The following MRTFA variants were observed in gnomAD, a reference collection of about 807,000 sequenced individuals.
The protein encoded by MRTFA is myocardin related transcription factor A, also known as myocardin-related transcription factor A.
Under a neutral mutation model 83.5 loss-of-function variants are expected in MRTFA, and 20 were observed. The ratio of observed to expected loss-of-function variants is 0.24; its 90% CI spans 0.17 to 0.35. The LOEUF is 0.35. Ranked by LOEUF, MRTFA falls within the 10% of genes least tolerant of loss-of-function variation. MRTFA has a pLI of 1.00. For synonymous variants in MRTFA, 659 were observed against 541.2 expected, an observed-to-expected ratio of 1.22 and a Z score of -3.02; for missense variants, 1,200 against 1,224.7, an observed-to-expected ratio of 0.98 and a Z score of 0.30.
intron 1 of MRTFA, among the ~76,000 whole-genome samples, chr22:40,620,344 G>T (rs867485647): frequency 6.6e-6 from 1 of 150,640 alleles, no homozygotes; most frequent in South Asian, 2.1e-4. Context: ...GGCTGGTCTC[G>T]AACTCCCGAC....
chr22:40,488,595 G>C (rs1038040751), intron 3 of MRTFA, among the ~76,000 whole-genome samples: 2 of 151,984 alleles, frequency 1.3e-5, no homozygotes, highest in African/African-American at 4.8e-5. Flanking sequence ...TCTTTGAGAG[G>C]CCAAGGCGGG....
chr22:40,500,151 G>C (rs1473264472), intron 3 of MRTFA, among the ~76,000 whole-genome samples: 2 of 150,416 alleles, frequency 1.3e-5, no homozygotes, highest in African/African-American at 4.9e-5. Flanking sequence ...GGCTGGTCTC[G>C]AACTCCTGAT....
intron 1 of MRTFA, among the ~76,000 whole-genome samples, chr22:40,618,080 GTT>G (rs66504883): frequency 7.1e-6 from 1 of 141,644 alleles, no homozygotes; most frequent in Non-Finnish European, 1.6e-5. Flanking sequence ...GTTGTTTTTT[GTT>G]TTTTTTTTTT....
At chr22:40,609,399 C>A (rs2056357781) in intron 1 of MRTFA, among the ~76,000 whole-genome samples, 1 of 147,940 alleles carries the variant, frequency 6.8e-6, no homozygotes, top group Non-Finnish European at 1.5e-5. Context: ...GAGGATCACT[C>A]GAGCCCAGGA....
At chr22:40,459,822 CATATATACAT>C (rs1395666568) in intron 4 of MRTFA, among the ~76,000 whole-genome samples, 1 of 68,266 alleles carries the variant, frequency 1.5e-5, no homozygotes, top group Non-Finnish European at 2.8e-5. Context: ...CACACACACA[CATATATACAT>C]ATATATATAT....
At chr22:40,566,982 T>C (rs552040543) in intron 2 of MRTFA, among the ~76,000 whole-genome samples, 20 of 152,352 alleles carry the variant, frequency 1.3e-4, no homozygotes, top group African/African-American at 4.3e-4. Flanking sequence ...GTAATAATGT[T>C]GTTTTGACCT....
chr22:40,571,779 C>T (rs1230426107), intron 2 of MRTFA, among the ~76,000 whole-genome samples: 1 of 151,068 alleles, frequency 6.6e-6, no homozygotes, highest in South Asian at 2.1e-4. Flanking sequence ...AAAAAAGCAG[C>T]CGGGCATGGT....
At chr22:40,505,089 A>G (rs1253735344) in intron 3 of MRTFA, among the ~76,000 whole-genome samples, 1 of 152,258 alleles carries the variant, frequency 6.6e-6, no homozygotes, top group Non-Finnish European at 1.5e-5. Context: ...AATAAACATT[A>G]TCAGATACTC....
At chr22:40,579,913 C>T (rs2055921954) in intron 2 of MRTFA, among the ~76,000 whole-genome samples, 3 of 150,716 alleles carry the variant, frequency 2.0e-5, no homozygotes, top group Non-Finnish European at 4.4e-5. Flanking sequence ...AAAGTCCTAA[C>T]TATAAAACAT....
intron 6 of MRTFA, 135 bp downstream of exon 6, chr22:40,431,270 G>A (rs1276434400): frequency 6.8e-5 from 51 of 751,472 alleles, no homozygotes; most frequent in African/African-American, 1.2e-4. Context: ...GCTGTCGTAC[G>A]GTGTTAAGGC....
At chr22:40,600,671 C>A (rs2056248275) in intron 1 of MRTFA, among the ~76,000 whole-genome samples, 1 of 152,146 alleles carries the variant, frequency 6.6e-6, no homozygotes, top group Non-Finnish European at 1.5e-5. Flanking sequence ...ATATGCAATA[C>A]TTTACAAAAT....
intron 14 of MRTFA, among the ~76,000 whole-genome samples, chr22:40,413,162 A>G (rs1273642281): frequency 1.3e-5 from 2 of 149,222 alleles, no homozygotes; most frequent in Non-Finnish European, 3.0e-5. Flanking sequence ...AAAAAAAAAA[A>G]AAGGTTATGA....
chr22:40,592,872 T>A (rs1338061856), intron 2 of MRTFA, among the ~76,000 whole-genome samples: 1 of 152,212 alleles, frequency 6.6e-6, no homozygotes, highest in African/African-American at 2.4e-5. Context: ...ATTTTCTTGG[T>A]ATTTTTGAAG....
At chr22:40,460,967 G>C (rs2147149124) in intron 4 of MRTFA, among the ~76,000 whole-genome samples, 1 of 152,186 alleles carries the variant, frequency 6.6e-6, no homozygotes, top group Non-Finnish European at 1.5e-5. Context: ...GGGAGGGTTA[G>C]GCAGGAGGAC....
At chr22:40,585,511 T>C (rs2056015384) in intron 2 of MRTFA, among the ~76,000 whole-genome samples, 1 of 152,164 alleles carries the variant, frequency 6.6e-6, no homozygotes. Context: ...TGCATAACAT[T>C]ATGAATGTAT....
At chr22:40,413,054 T>C (rs1015815193) in intron 14 of MRTFA, among the ~76,000 whole-genome samples, 5 of 147,170 alleles carry the variant, frequency 3.4e-5, no homozygotes, top group African/African-American at 1.0e-4. Flanking sequence ...GGAGAATGGC[T>C]TGAACCCGGG....
chr22:40,464,765 T>C (rs2053785170), intron 3 of MRTFA, among the ~76,000 whole-genome samples: 1 of 152,144 alleles, frequency 6.6e-6, no homozygotes, highest in Non-Finnish European at 1.5e-5. Flanking sequence ...ATTCAGTAGA[T>C]CCAAAGCCAA....
In MRTFA at chr22:40,429,822, C is replaced by T. The variant is rs2053031770; in HGVS notation, c.440-55G>A. 4 of 1,531,258 alleles carry T rather than the reference C, an allele frequency of 2.6e-6. No homozygotes were observed. The African/African-American group carries it at 4.1e-5, about 16-fold the overall frequency. The allele number at this position is 1,531,258 out of a possible 1,614,324, so 94.9% of individuals were successfully genotyped here. ...AGATATATGAGTGGACGTGGTTCTGCCCCGGGAACTCCAGAGCAGCTCTCC... is the reference window on the plus strand; with the variant it reads ...AGATATATGAGTGGACGTGGTTCTGTCCCGGGAACTCCAGAGCAGCTCTCC... On this transcript the variant is annotated intron_variant, in intron 6 of 14. Coordinates refer to ENST00000355630, the MANE Select transcript of MRTFA (RefSeq NM_020831.6).
At chr22:40,466,300 C>T (rs542955473) in intron 3 of MRTFA, among the ~76,000 whole-genome samples, 22 of 152,296 alleles carry the variant, frequency 1.4e-4, no homozygotes, top group African/African-American at 5.1e-4. Flanking sequence ...GACTGTCATG[C>T]TTTTAACTTA....
Sources: gnomAD v4.1 joint callset for allele counts (sites outside exome capture counted in the v4.1 genomes callset) on GRCh38, gnomAD v4.1.1 for gene constraint, MANE v1.5 for transcripts, NCBI Gene and HGNC (gene_info 2026-07-23, HGNC 2026-07-21) for gene names.